Variants in CLOCK observed in about 807,000 individuals in gnomAD.
The protein encoded by CLOCK is circadian locomoter output cycles protein kaput.
CLOCK carries 43 observed loss-of-function variants against 118.4 expected under a neutral mutation model. That is an observed-to-expected ratio of 0.36 (90% CI 0.28 to 0.47). CLOCK has a LOEUF of 0.47. Among genes scored for constraint, CLOCK ranks in the 20% least tolerant of loss-of-function variants. The pLI, the probability that CLOCK is intolerant of heterozygous loss-of-function variation, is 1.00. For missense variants in CLOCK, 846 were observed against 999.9 expected, an observed-to-expected ratio of 0.85 and a Z score of 2.08; for synonymous variants, 326 against 339.2, an observed-to-expected ratio of 0.96 and a Z score of 0.43.
rs908564924 is a variant in CLOCK at position 55,546,784 on chromosome 4, G to C, written c.-292C>G. 6.6e-6 allele frequency: 1 copy of C among 152,242 alleles called. No individual in the cohort carries two copies. Among genetic ancestry groups the C allele is most frequent in the Non-Finnish European group, 1.5e-5 (1 of 68,120 alleles). 9.4% of individuals were successfully genotyped at this position (152,242 alleles called of 1,614,324 possible). A position where few individuals can be genotyped will look rare whatever the true frequency, so the allele number is the denominator to read the frequency against. Reference sequence around the variant, plus strand: ...CCCACCGGGCGGGCGCCTCTCACCGGGAGCGCTCGCGGCGGCGGCGGCCAG... The same window carrying C: ...CCCACCGGGCGGGCGCCTCTCACCGCGAGCGCTCGCGGCGGCGGCGGCCAG... On this transcript the variant is annotated splice_region_variant and 5_prime_UTR_variant, in exon 1 of 23. Coordinates refer to ENST00000513440, the MANE Select transcript of CLOCK (RefSeq NM_004898.4).
chr4:55,507,304 T>C (rs946884873), intron 2 of CLOCK, among the ~76,000 whole-genome samples: 2 of 151,550 alleles, frequency 1.3e-5, no homozygotes, highest in Admixed American at 6.6e-5. Context: ...CAAGACCGTG[T>C]CTCAAAAAGA....
At chr4:55,488,515 A>G (rs1268545595) in intron 3 of CLOCK, among the ~76,000 whole-genome samples, 2 of 152,122 alleles carry the variant, frequency 1.3e-5, no homozygotes, top group Admixed American at 6.5e-5. Context: ...TGATCTCCAT[A>G]TATTCTCCCC....
intron 1 of CLOCK, among the ~76,000 whole-genome samples, chr4:55,511,855 C>A (rs2110029144): frequency 6.6e-6 from 1 of 152,164 alleles, no homozygotes; most frequent in Non-Finnish European, 1.5e-5. Flanking sequence ...TGGAATCATA[C>A]AATATGTAGT....
chr4:55,526,944 C>CT (rs1328527154), intron 1 of CLOCK, among the ~76,000 whole-genome samples: 1 of 43,258 alleles, frequency 2.3e-5, no homozygotes, highest in African/African-American at 8.9e-5. Context: ...GAGACTCCGT[C>CT]TCAAAAAAAA....
At chr4:55,445,573 T>C (rs1295259421) in intron 18 of CLOCK, among the ~76,000 whole-genome samples, 1 of 142,178 alleles carries the variant, frequency 7.0e-6, no homozygotes, top group African/African-American at 2.6e-5. Flanking sequence ...CATCTGCTAT[T>C]TCTATATTCT....
In CLOCK at chr4:55,429,706, C is replaced by A. The variant is rs62303689; in HGVS notation, c.*5709G>T. On this transcript the variant is annotated 3_prime_UTR_variant, in exon 23 of 23. Coordinates refer to ENST00000513440, the MANE Select transcript of CLOCK (RefSeq NM_004898.4). ...TGTGCCATTGGTTCTGTCATACTGG[C>A]CTTTGACTGTGTTGGGGAAGTAATC... 15,322 of 152,186 alleles carry A rather than the reference C, an allele frequency of 0.1. 1,054 individuals carry two copies. Among genetic ancestry groups the A allele is most frequent in the Non-Finnish European group, 0.14 (9,210 of 68,012 alleles). 9.4% of individuals were successfully genotyped at this position (152,186 alleles called of 1,614,324 possible). A position where few individuals can be genotyped will look rare whatever the true frequency, so the allele number is the denominator to read the frequency against.
intron 6 of CLOCK, among the ~76,000 whole-genome samples, chr4:55,478,101 G>C (rs1726644253): frequency 6.6e-6 from 1 of 151,558 alleles, no homozygotes; most frequent in Non-Finnish European, 1.5e-5. Context: ...GAGTTTTACA[G>C]TTTCATTTGC....
chr4:55,446,883 T>C (rs183600752), intron 18 of CLOCK, among the ~76,000 whole-genome samples: 45 of 152,272 alleles, frequency 3.0e-4, no homozygotes, highest in Admixed American at 1.2e-3. Flanking sequence ...ATCCAAAGCT[T>C]TTTAACTCTA....
At chr4:55,500,345 G>C (rs561278034) in intron 2 of CLOCK, among the ~76,000 whole-genome samples, 1 of 152,012 alleles carries the variant, frequency 6.6e-6, no homozygotes, top group African/African-American at 2.4e-5. Context: ...TTTTGTTTGG[G>C]GGGAGTGGTG....
intron 1 of CLOCK, among the ~76,000 whole-genome samples, chr4:55,511,392 CTCT>C (rs931851205): frequency 1.3e-5 from 2 of 152,144 alleles, no homozygotes; most frequent in Admixed American, 1.3e-4. Flanking sequence ...ACTTTAGTGA[CTCT>C]TCTTTCAGAA....
chr4:55,460,126 T>A (rs908492536), intron 9 of CLOCK, among the ~76,000 whole-genome samples: 1 of 152,210 alleles, frequency 6.6e-6, no homozygotes, highest in African/African-American at 2.4e-5. Flanking sequence ...ACAGCAATTA[T>A]TCTTCTCAAG....
chr4:55,445,615 G>T, intron 18 of CLOCK, among the ~76,000 whole-genome samples: 3 of 64,726 alleles, frequency 4.6e-5, no homozygotes, highest in South Asian at 6.6e-4. Flanking sequence ...TTTTGAGACA[G>T]GATCTCACTC....
chr4:55,546,876 G>C lies in CLOCK; in HGVS notation c.-384C>G, dbSNP rs954777442. 6.6e-6 allele frequency: 1 copy of C among 152,098 alleles called. No individual in the cohort carries two copies. Among genetic ancestry groups the C allele is most frequent in the African/African-American group, 2.4e-5 (1 of 41,428 alleles). 9.4% of individuals were successfully genotyped at this position (152,098 alleles called of 1,614,324 possible). On this transcript the variant is annotated 5_prime_UTR_variant, in exon 1 of 23. In the 5' UTR this introduces an upstream ATG that the reference lacks. Coordinates refer to ENST00000513440, the MANE Select transcript of CLOCK (RefSeq NM_004898.4). ...ACCGGCAGCCGCAAGCCGAGTCCGT[G>C]ATTGCGCCCCCTCCCGGCGCATGCG...
At chr4:55,537,929 T>C (rs1410187557) in intron 1 of CLOCK, among the ~76,000 whole-genome samples, 1 of 152,020 alleles carries the variant, frequency 6.6e-6, no homozygotes, top group Non-Finnish European at 1.5e-5. Context: ...AACCCAAAAG[T>C]AAGCTGAGGA....
At chr4:55,537,907 G>C (rs1731008900) in intron 1 of CLOCK, among the ~76,000 whole-genome samples, 1 of 152,060 alleles carries the variant, frequency 6.6e-6, no homozygotes, top group South Asian at 2.1e-4. Flanking sequence ...ACCAGAAAAA[G>C]AAAACAAATT....
intron 8 of CLOCK, among the ~76,000 whole-genome samples, chr4:55,467,474 A>C (rs1236261827): frequency 6.6e-6 from 1 of 152,212 alleles, no homozygotes; most frequent in East Asian, 1.9e-4. Flanking sequence ...ACAGAGATGA[A>C]GGGCATCGAA....
chr4:55,480,697 C>T (rs1292233411), intron 4 of CLOCK, among the ~76,000 whole-genome samples: 1 of 152,114 alleles, frequency 6.6e-6, no homozygotes, highest in African/African-American at 2.4e-5. Context: ...CGAGACCATC[C>T]TGGCTAACAC....
intron 21 of CLOCK, among the ~76,000 whole-genome samples, chr4:55,439,453 T>G (rs1201805329): frequency 6.6e-6 from 1 of 152,170 alleles, no homozygotes; most frequent in Non-Finnish European, 1.5e-5. Flanking sequence ...GAAAACAGTA[T>G]GCAGTTCCTC....
chr4:55,512,817 T>C (rs1251077286), intron 1 of CLOCK, among the ~76,000 whole-genome samples: 1 of 152,178 alleles, frequency 6.6e-6, no homozygotes, highest in African/African-American at 2.4e-5. Flanking sequence ...AAAACTATCT[T>C]TTCTCCATTG....
Sources: allele counts gnomAD v4.1 joint callset (sites outside exome capture counted in the v4.1 genomes callset), GRCh38; gene constraint gnomAD v4.1.1; transcripts MANE v1.5; gene names NCBI Gene and HGNC (gene_info 2026-07-23, HGNC 2026-07-21).